Variants in NEDD4L observed in about 807,000 individuals in gnomAD.
The protein encoded by NEDD4L is E3 ubiquitin-protein ligase NEDD4-like.
In NEDD4L, 54 loss-of-function variants were observed where a neutral mutation model predicts 148.9. The observed-to-expected ratio is 0.36, with a 90% CI of 0.29 to 0.45. The LOEUF (loss-of-function observed/expected upper bound fraction) is 0.45, where lower values mean the gene tolerates loss of function less well. Ranked by LOEUF, NEDD4L falls within the 20% of genes least tolerant of loss-of-function variation. NEDD4L has a pLI of 1.00. For missense variants in NEDD4L, 856 were observed against 1,233.8 expected, an observed-to-expected ratio of 0.69 and a Z score of 4.59; for synonymous variants, 433 against 440.7, an observed-to-expected ratio of 0.98 and a Z score of 0.22.
At chr18:58,389,999 T>C (rs565569630) in intron 28 of NEDD4L, 1 of 152,270 alleles carries the variant, frequency 6.6e-6, no homozygotes, top group Admixed American at 6.5e-5. Context: ...CTTTTATTAC[T>C]ATTTCAAATG....
Position 58,234,624 on chromosome 18 carries a change from T to A in NEDD4L, c.123-10803T>A, listed in dbSNP as rs116455453. ...GGGCGAGATTACAGGCATGAGCCAC[T>A]GTGCCTGGTGACCTCATTTGAACTT... On this transcript the variant is annotated intron_variant, in intron 2 of 30. Coordinates refer to ENST00000400345, the MANE Select transcript of NEDD4L (RefSeq NM_001144967.3). 4.7e-3 allele frequency among the ~76,000 whole-genome samples: 717 copies of A among 152,302 alleles called. 2 individuals are homozygous for A. The highest frequency in any genetic ancestry group is 0.016 in the African/African-American group (654 of 41,568).
intron 5 of NEDD4L, among the ~76,000 whole-genome samples, chr18:58,299,948 G>A (rs1003061689): frequency 2.0e-5 from 3 of 152,190 alleles, no homozygotes; most frequent in Admixed American, 6.5e-5. Context: ...ATGTGCCAAT[G>A]TCTGGGCAAG....
chr18:58,226,716 A>G (rs2044394599), intron 2 of NEDD4L, among the ~76,000 whole-genome samples: 2 of 152,176 alleles, frequency 1.3e-5, no homozygotes, highest in South Asian at 4.1e-4. Flanking sequence ...AGTGCTGGGC[A>G]CTGTGCTAGA....
At chr18:58,309,100 T>C (rs1051338104) in intron 5 of NEDD4L, among the ~76,000 whole-genome samples, 29 of 152,310 alleles carry the variant, frequency 1.9e-4, no homozygotes, top group African/African-American at 6.7e-4. Context: ...AATGTCCTCA[T>C]GTGTCTTCAC....
chr18:58,148,436 G>A (rs1267129367), intron 1 of NEDD4L, among the ~76,000 whole-genome samples: 1 of 152,190 alleles, frequency 6.6e-6, no homozygotes, highest in Admixed American at 6.5e-5. Flanking sequence ...AAAGTGCTGG[G>A]ATTACAGACG....
intron 1 of NEDD4L, among the ~76,000 whole-genome samples, chr18:58,108,710 C>T (rs561842500): frequency 3.9e-5 from 6 of 152,290 alleles, no homozygotes; most frequent in Admixed American, 1.3e-4. Flanking sequence ...CATGAGCCAC[C>T]GTGCCCAGCC....
chr18:58,242,231 C>A (rs973199197), intron 2 of NEDD4L, among the ~76,000 whole-genome samples: 2 of 152,186 alleles, frequency 1.3e-5, no homozygotes. Flanking sequence ...GAACCTCACA[C>A]GTCTCCTAAG....
chr18:58,062,537 A>G lies in NEDD4L; in HGVS notation c.48+17829A>G, dbSNP rs551388077. Among the ~76,000 whole-genome samples, 8 of 152,294 alleles carry G rather than the reference A, an allele frequency of 5.3e-5. No homozygotes were observed. The East Asian group carries it at 1.5e-3, about 29-fold the overall frequency. On this transcript the variant is annotated intron_variant, in intron 1 of 30. Coordinates refer to ENST00000400345, the MANE Select transcript of NEDD4L (RefSeq NM_001144967.3). ...GAAAAATGGAGAAAAGGAGAGCTTA[A>G]AACTTAGCTGTTTGTTGCTGTCATC...
intron 30 of NEDD4L, among the ~76,000 whole-genome samples, chr18:58,392,812 G>A (rs1602070952): frequency 6.6e-6 from 1 of 152,342 alleles, no homozygotes; most frequent in East Asian, 1.9e-4. Context: ...AGGACTGTGG[G>A]TGGTGATGCG....
At position 58,361,952 on chromosome 18, in the gene NEDD4L, G is replaced by A. The variant is rs140506283; in HGVS notation, c.1768-2316G>A. Among the ~76,000 whole-genome samples, 36 of 152,144 alleles carry A rather than the reference G, an allele frequency of 2.4e-4. No individual in the cohort carries two copies. The East Asian group carries it at 5.8e-3, about 24-fold the overall frequency. On this transcript the variant is annotated intron_variant, in intron 19 of 30. Coordinates refer to ENST00000400345, the MANE Select transcript of NEDD4L (RefSeq NM_001144967.3). Reference sequence around the variant, plus strand: ...ACTGGAAGGATGTTTGTCCTGGTACGTTGTTGGAAAGTTTTCAGGAAGAGA... The same window carrying A: ...ACTGGAAGGATGTTTGTCCTGGTACATTGTTGGAAAGTTTTCAGGAAGAGA...
At chr18:58,338,746 C>T (rs2042078443) in intron 13 of NEDD4L, among the ~76,000 whole-genome samples, 1 of 152,010 alleles carries the variant, frequency 6.6e-6, no homozygotes, top group Admixed American at 6.6e-5. Flanking sequence ...TGAAACCCTG[C>T]CTCTACTAAA....
At chr18:58,368,999 G>T (rs928038035) in intron 22 of NEDD4L, among the ~76,000 whole-genome samples, 7 of 152,220 alleles carry the variant, frequency 4.6e-5, no homozygotes, top group Non-Finnish European at 8.8e-5. Context: ...CTAACAGGGG[G>T]TAATAGAGAA....
At chr18:58,191,288 T>C (rs952215837) in intron 2 of NEDD4L, among the ~76,000 whole-genome samples, 5 of 152,218 alleles carry the variant, frequency 3.3e-5, no homozygotes, top group Admixed American at 3.3e-4. Flanking sequence ...TTGGTGTGTC[T>C]GGTTCCTATA....
At chr18:58,392,558 A>C (rs1418548091) in intron 30 of NEDD4L, among the ~76,000 whole-genome samples, 1 of 151,636 alleles carries the variant, frequency 6.6e-6, no homozygotes, top group African/African-American at 2.4e-5. Flanking sequence ...TATTCGTACC[A>C]TTCACGTGAC....
At chr18:58,270,763 A>T (rs117720206) in intron 5 of NEDD4L, among the ~76,000 whole-genome samples, 3 of 152,192 alleles carry the variant, frequency 2.0e-5, no homozygotes, top group Non-Finnish European at 4.4e-5. Context: ...GGCTCCAAGG[A>T]TAGAGGCCGA....
At chr18:58,342,126 C>T (rs565831287) in intron 15 of NEDD4L, among the ~76,000 whole-genome samples, 1 of 152,224 alleles carries the variant, frequency 6.6e-6, no homozygotes, top group Non-Finnish European at 1.5e-5. Flanking sequence ...ATTGCGTAAT[C>T]CCTCTTTCAA....
chr18:58,194,367 G>A (rs1234446070), intron 2 of NEDD4L, among the ~76,000 whole-genome samples: 1 of 152,196 alleles, frequency 6.6e-6, no homozygotes. Context: ...TGCCCTGGTC[G>A]TTCTTATCTT....
chr18:58,120,200 C>G (rs1489199168), intron 1 of NEDD4L, among the ~76,000 whole-genome samples: 1 of 152,104 alleles, frequency 6.6e-6, no homozygotes, highest in South Asian at 2.1e-4. Flanking sequence ...CCTGTCGAGG[C>G]CAGACAGCAA....
At chr18:58,074,839 G>A (rs1168640773) in intron 1 of NEDD4L, among the ~76,000 whole-genome samples, 1 of 152,130 alleles carries the variant, frequency 6.6e-6, no homozygotes, top group African/African-American at 2.4e-5. Flanking sequence ...AAGATACAGG[G>A]GTATCTAGGC....
Sources: gnomAD v4.1 joint callset for allele counts (sites outside exome capture counted in the v4.1 genomes callset) on GRCh38, gnomAD v4.1.1 for gene constraint, MANE v1.5 for transcripts, NCBI Gene and HGNC (gene_info 2026-07-23, HGNC 2026-07-21) for gene names.